Variants in ADCY8 observed in about 807,000 individuals in gnomAD.
ADCY8 encodes the protein adenylate cyclase 8, also known as adenylate cyclase type 8.
In ADCY8, 51 loss-of-function variants were observed where a neutral mutation model predicts 119.7. That is an observed-to-expected ratio of 0.43 (90% CI 0.34 to 0.54). The LOEUF (loss-of-function observed/expected upper bound fraction) is 0.54, where lower values mean the gene tolerates loss of function less well. ADCY8 is among the 20% of genes least tolerant of loss of function. The pLI is 0.03. For synonymous variants in ADCY8, 665 were observed against 651.0 expected, an observed-to-expected ratio of 1.02 and a Z score of -0.33; for missense variants, 1,383 against 1,598.8, an observed-to-expected ratio of 0.87 and a Z score of 2.30.
intron 5 of ADCY8, among the ~76,000 whole-genome samples, chr8:130,934,692 C>T (rs947158751): frequency 6.6e-6 from 1 of 152,150 alleles, no homozygotes; most frequent in African/African-American, 2.4e-5. Context: ...AACCAAAACC[C>T]AAACAAAAGG....
intron 15 of ADCY8, among the ~76,000 whole-genome samples, chr8:130,799,106 G>A (rs1262989773): frequency 6.6e-6 from 1 of 152,104 alleles, no homozygotes; most frequent in Non-Finnish European, 1.5e-5. Flanking sequence ...AGCAAATAGT[G>A]GAATGGTGGT....
intron 14 of ADCY8, among the ~76,000 whole-genome samples, chr8:130,802,717 C>T (rs1815820194): frequency 6.6e-6 from 1 of 152,228 alleles, no homozygotes; most frequent in Non-Finnish European, 1.5e-5. Context: ...TGCATCCTCT[C>T]ACCCAGTGTT....
rs182482248 is a variant in ADCY8 at position 130,792,431 on chromosome 8, C to T, written c.3061-6956G>A. On this transcript the variant is annotated intron_variant, in intron 15 of 17. Transcript: ENST00000286355. ...TCCTAACTGCATGCCCTGCCTTGAC[C>T]TTCAGACTCAGTATGGAATTGCTTA... Among the ~76,000 whole-genome samples, 37 of 152,312 alleles carry T rather than the reference C, an allele frequency of 2.4e-4. 1 individual carries two copies. The highest frequency in any genetic ancestry group is 8.2e-4 in the African/African-American group (34 of 41,568).
chr8:130,971,449 A>G (rs1802057954), intron 2 of ADCY8, among the ~76,000 whole-genome samples: 1 of 152,156 alleles, frequency 6.6e-6, no homozygotes, highest in Admixed American at 6.5e-5. Flanking sequence ...TGTCTCTATA[A>G]TCACAATTTT....
chr8:131,019,952 G>C (rs746396644), intron 1 of ADCY8, among the ~76,000 whole-genome samples: 3 of 151,950 alleles, frequency 2.0e-5, no homozygotes, highest in Non-Finnish European at 4.4e-5. Flanking sequence ...AGAGAGCAGA[G>C]GAAGCGTCCC....
intron 15 of ADCY8, among the ~76,000 whole-genome samples, chr8:130,790,660 A>G (rs1030220954): frequency 6.6e-6 from 1 of 152,204 alleles, no homozygotes; most frequent in African/African-American, 2.4e-5. Context: ...AACAGGATTT[A>G]GTTCCAGGTC....
intron 2 of ADCY8, among the ~76,000 whole-genome samples, chr8:130,960,009 A>C (rs371512720): frequency 2.2e-4 from 33 of 152,174 alleles, no homozygotes; most frequent in African/African-American, 8.0e-4. Context: ...AAAAGAGTAG[A>C]TTCAATGAAA....
chr8:130,793,983 G>A (rs1477867952), intron 15 of ADCY8, among the ~76,000 whole-genome samples: 2 of 152,120 alleles, frequency 1.3e-5, no homozygotes, highest in African/African-American at 4.8e-5. Flanking sequence ...ATTAGATTAG[G>A]GTGAGCCTTA....
At chr8:130,904,462 A>C (rs1009333822) in intron 6 of ADCY8, among the ~76,000 whole-genome samples, 1 of 152,142 alleles carries the variant, frequency 6.6e-6, no homozygotes, top group Admixed American at 6.5e-5. Flanking sequence ...CCATGCAAAA[A>C]CAGTTCTTTC....
intron 17 of ADCY8, among the ~76,000 whole-genome samples, chr8:130,782,578 A>C (rs1815119015): frequency 6.6e-6 from 1 of 152,256 alleles, no homozygotes; most frequent in African/African-American, 2.4e-5. Flanking sequence ...CAACATCTTC[A>C]GAATTTACTT....
chr8:130,892,586 G>A (rs1211756355), intron 7 of ADCY8: 1 of 152,098 alleles, frequency 6.6e-6, no homozygotes, highest in East Asian at 1.9e-4. Flanking sequence ...TGGGGGTTTA[G>A]GTCCCAGGAT....
chr8:130,816,046 A>T (rs139423228), intron 13 of ADCY8, among the ~76,000 whole-genome samples: 96 of 152,344 alleles, frequency 6.3e-4, no homozygotes, highest in African/African-American at 2.2e-3. Context: ...CCTGGTAAAC[A>T]CATGGTGAGC....
intron 12 of ADCY8, among the ~76,000 whole-genome samples, chr8:130,824,578 A>T (rs1012653830): frequency 2.6e-5 from 4 of 152,216 alleles, no homozygotes; most frequent in Non-Finnish European, 5.9e-5. Context: ...AAAACAATGT[A>T]ATGTGTATTG....
At chr8:130,938,959 C>A (rs752633739) in intron 4 of ADCY8, among the ~76,000 whole-genome samples, 9 of 152,248 alleles carry the variant, frequency 5.9e-5, no homozygotes, top group African/African-American at 1.9e-4. Flanking sequence ...TCTTCTAAGA[C>A]CTTGAGGGTG....
intron 2 of ADCY8, among the ~76,000 whole-genome samples, chr8:130,976,187 G>T (rs763503159): frequency 6.6e-6 from 1 of 152,146 alleles, no homozygotes; most frequent in Non-Finnish European, 1.5e-5. Flanking sequence ...AATAACTTGG[G>T]GGTGGGGTAA....
intron 5 of ADCY8, among the ~76,000 whole-genome samples, chr8:130,915,675 T>C (rs1314799223): frequency 4.6e-5 from 7 of 152,180 alleles, no homozygotes; most frequent in Non-Finnish European, 1.0e-4. Context: ...CACTCAAAAA[T>C]AGTACCTAGT....
At chr8:130,803,907 G>A (rs139160422) in intron 14 of ADCY8, among the ~76,000 whole-genome samples, 1 of 152,354 alleles carries the variant, frequency 6.6e-6, no homozygotes, top group African/African-American at 2.4e-5. Context: ...TTATCCAAAA[G>A]AGCACAGGCA....
intron 14 of ADCY8, among the ~76,000 whole-genome samples, chr8:130,810,911 T>A (rs1482562248): frequency 1.3e-5 from 2 of 152,216 alleles, no homozygotes; most frequent in Middle Eastern, 3.2e-3. Context: ...TCTCCACTGG[T>A]CCTATGTGCC....
chr8:130,893,863 T>A (rs1256901088), intron 7 of ADCY8, among the ~76,000 whole-genome samples: 1 of 147,814 alleles, frequency 6.8e-6, no homozygotes, highest in Non-Finnish European at 1.5e-5. Flanking sequence ...GGGGTGTGCA[T>A]GTTTATGTGT....
Sources: gnomAD v4.1 joint callset for allele counts (sites outside exome capture counted in the v4.1 genomes callset) on GRCh38, gnomAD v4.1.1 for gene constraint, MANE v1.5 for transcripts, NCBI Gene and HGNC (gene_info 2026-07-23, HGNC 2026-07-21) for gene names.